STAG1: variants seen among roughly 807,000 people sequenced by gnomAD.
The protein encoded by STAG1 is STAG1 cohesin complex component.
Under a neutral mutation model 170.9 loss-of-function variants are expected in STAG1, and 26 were observed. The observed-to-expected ratio is 0.15, with a 90% confidence interval of 0.11 to 0.21. The LOEUF (loss-of-function observed/expected upper bound fraction) is 0.21. Ranked by LOEUF, STAG1 falls within the 10% of genes least tolerant of loss-of-function variation. STAG1 has a pLI of 1.00. For missense variants in STAG1, 964 were observed against 1,509.5 expected (o/e 0.64, Z 5.99); for synonymous variants, 514 against 497.7 (o/e 1.03, Z -0.44).
intron 4 of STAG1, among the ~76,000 whole-genome samples, chr3:136,590,504 A>G (rs552609455): frequency 6.6e-4 from 100 of 151,098 alleles, no homozygotes; most frequent in Non-Finnish European, 1.8e-4. Flanking sequence ...AAAAAAAAGA[A>G]AAAAAAAAAC....
intron 9 of STAG1, among the ~76,000 whole-genome samples, chr3:136,486,430 AC>A (rs1341985962): frequency 6.6e-6 from 1 of 152,144 alleles, no homozygotes; most frequent in East Asian, 1.9e-4. Context: ...CAAAAATAAA[AC>A]TCCCCTCAAA....
intron 4 of STAG1, among the ~76,000 whole-genome samples, chr3:136,571,286 G>C (rs189593307): frequency 2.3e-4 from 35 of 152,234 alleles, no homozygotes; most frequent in African/African-American, 6.7e-4. Flanking sequence ...TTAACACTTT[G>C]GTCTGAGCGT....
At chr3:136,685,208 C>T (rs562822925) in intron 1 of STAG1, among the ~76,000 whole-genome samples, 3 of 152,076 alleles carry the variant, frequency 2.0e-5, no homozygotes, top group East Asian at 1.9e-4. Context: ...CCCAGCTACT[C>T]GGGAGGCTGA....
chr3:136,619,471 C>CT (rs1044930749), intron 3 of STAG1, among the ~76,000 whole-genome samples: 25 of 151,788 alleles, frequency 1.6e-4, no homozygotes, highest in African/African-American at 5.6e-4. Flanking sequence ...TTAAACACAT[C>CT]TTTAGGCCTG....
chr3:136,505,111 G>A (rs1363291394), intron 7 of STAG1, among the ~76,000 whole-genome samples: 1 of 152,114 alleles, frequency 6.6e-6, no homozygotes, highest in Non-Finnish European at 1.5e-5. Context: ...TGTTTTAATT[G>A]AGTCCACTGA....
intron 22 of STAG1, among the ~76,000 whole-genome samples, chr3:136,387,155 T>C (rs1471547245): frequency 6.6e-6 from 1 of 152,244 alleles, no homozygotes; most frequent in African/African-American, 2.4e-5. Context: ...AAACTTTTTG[T>C]GTTAAGGATC....
chr3:136,642,694 T>A (rs145001786), intron 1 of STAG1, among the ~76,000 whole-genome samples: 1 of 152,354 alleles, frequency 6.6e-6, no homozygotes, highest in East Asian at 1.9e-4. Flanking sequence ...TCTTCCCTTG[T>A]ATTAGTTTCC....
chr3:136,735,260 G>C (rs1934269199), intron 1 of STAG1, among the ~76,000 whole-genome samples: 1 of 151,936 alleles, frequency 6.6e-6, no homozygotes, highest in Non-Finnish European at 1.5e-5. Flanking sequence ...TGAGTAGATA[G>C]GACTACAGGT....
At chr3:136,534,820 C>G (rs548340208) in intron 6 of STAG1, among the ~76,000 whole-genome samples, 95 of 152,208 alleles carry the variant, frequency 6.2e-4, no homozygotes, top group African/African-American at 2.2e-3. Flanking sequence ...AGTACAACCA[C>G]CATGGAAAAC....
intron 6 of STAG1, among the ~76,000 whole-genome samples, chr3:136,531,574 T>C (rs1467282134): frequency 1.3e-5 from 2 of 151,752 alleles, no homozygotes; most frequent in African/African-American, 4.8e-5. Flanking sequence ...GGAATACTAT[T>C]GCAGCCATAA....
intron 21 of STAG1, among the ~76,000 whole-genome samples, chr3:136,408,212 A>C (rs1159012815): frequency 6.6e-6 from 1 of 152,204 alleles, no homozygotes; most frequent in Non-Finnish European, 1.5e-5. Context: ...GTATATTTAT[A>C]ATCTAAATTC....
intron 6 of STAG1, among the ~76,000 whole-genome samples, chr3:136,532,006 C>T (rs985854737): frequency 6.7e-6 from 1 of 149,744 alleles, no homozygotes; most frequent in Non-Finnish European, 1.5e-5. Context: ...GCAAAATTAA[C>T]AGCAGAAAAG....
chr3:136,516,261 C>T (rs1158518096), intron 7 of STAG1, among the ~76,000 whole-genome samples: 1 of 152,036 alleles, frequency 6.6e-6, no homozygotes, highest in Non-Finnish European at 1.5e-5. Context: ...GTAATCCCAG[C>T]ACTTTTAGAG....
At chr3:136,741,159 T>G (rs1247650317) in intron 1 of STAG1, among the ~76,000 whole-genome samples, 1 of 152,228 alleles carries the variant, frequency 6.6e-6, no homozygotes, top group Non-Finnish European at 1.5e-5. Context: ...ATAAAAGATC[T>G]GAGTTTCTCT....
chr3:136,659,663 T>C (rs1376843801), intron 1 of STAG1, among the ~76,000 whole-genome samples: 1 of 152,242 alleles, frequency 6.6e-6, no homozygotes, highest in Non-Finnish European at 1.5e-5. Flanking sequence ...CAAAATGCTA[T>C]CATGGTTTGT....
intron 16 of STAG1, among the ~76,000 whole-genome samples, chr3:136,432,530 C>G (rs1323287280): frequency 4.3e-5 from 6 of 140,662 alleles, no homozygotes; most frequent in Admixed American, 3.0e-4. Flanking sequence ...GGGGGGGGCA[C>G]AGAGTCTTGC....
At chr3:136,487,939 T>C (rs1408258460) in intron 9 of STAG1, among the ~76,000 whole-genome samples, 1 of 152,178 alleles carries the variant, frequency 6.6e-6, no homozygotes, top group African/African-American at 2.4e-5. Flanking sequence ...ATGTGATGAG[T>C]AACTAGAGCT....
intron 4 of STAG1, among the ~76,000 whole-genome samples, chr3:136,601,348 A>C (rs1365509858): frequency 6.6e-6 from 1 of 152,228 alleles, no homozygotes; most frequent in African/African-American, 2.4e-5. Context: ...TAAATTTTAA[A>C]TATAGCCAGT....
chr3:136,473,137 C>T (rs1457646729), intron 11 of STAG1, among the ~76,000 whole-genome samples: 1 of 152,068 alleles, frequency 6.6e-6, no homozygotes, highest in African/African-American at 2.4e-5. Context: ...ACGTTGTGTG[C>T]TCCTTATGAG....
Sources: allele counts gnomAD v4.1 joint callset (sites outside exome capture counted in the v4.1 genomes callset), GRCh38; gene constraint gnomAD v4.1.1; transcripts MANE v1.5; gene names NCBI Gene and HGNC (gene_info 2026-07-23, HGNC 2026-07-21).